NEGR1: variants seen among roughly 807,000 people sequenced by gnomAD.
The protein encoded by NEGR1 is neuronal growth regulator 1.
Under a neutral mutation model 40.9 loss-of-function variants are expected in NEGR1, and 10 were observed. The observed-to-expected ratio is 0.24, with a 90% confidence interval of 0.15 to 0.42. The LOEUF is 0.42. Among genes scored for constraint, NEGR1 ranks in the 10% least tolerant of loss-of-function variants. The probability of loss-of-function intolerance (pLI) is 1.00; values close to 1 mark genes in which losing one functional copy is unlikely to be tolerated. For synonymous variants in NEGR1, 185 were observed against 166.8 expected, an observed-to-expected ratio of 1.11 and a Z score of -0.84; for missense variants, 352 against 438.9, an observed-to-expected ratio of 0.80 and a Z score of 1.77.
At chr1:72,121,062 T>C (rs1051282822) in intron 1 of NEGR1, among the ~76,000 whole-genome samples, 4 of 152,120 alleles carry the variant, frequency 2.6e-5, no homozygotes, top group Non-Finnish European at 5.9e-5. Flanking sequence ...TTATTTTTCT[T>C]TCACAGTGTA....
intron 4 of NEGR1, among the ~76,000 whole-genome samples, chr1:71,653,967 G>A (rs551737253): frequency 8.0e-4 from 121 of 152,106 alleles, no homozygotes; most frequent in African/African-American, 2.8e-3. Context: ...TCTTTGTTAT[G>A]AGGAAACAAT....
At position 72,007,850 on chromosome 1, in the gene NEGR1, C is replaced by T. The variant is rs184305174; in HGVS notation, c.177-72539G>A. ...ATTAATACAATACTTTGCCTAAGGCCTACATCTTTTTATTTTCTTTGCTCC... is the reference window on the plus strand; with the variant it reads ...ATTAATACAATACTTTGCCTAAGGCTTACATCTTTTTATTTTCTTTGCTCC... On this transcript the variant is annotated intron_variant, in intron 1 of 6. Transcript: ENST00000357731. Among the ~76,000 whole-genome samples the T allele has an allele frequency of 3.0e-3, 454 of 152,064 alleles. 1 individual carries two copies. Among genetic ancestry groups the T allele is most frequent in the African/African-American group, 0.01 (433 of 41,498 alleles).
intron 4 of NEGR1, among the ~76,000 whole-genome samples, chr1:71,666,812 T>C (rs981614475): frequency 6.6e-6 from 1 of 152,136 alleles, no homozygotes; most frequent in Admixed American, 6.6e-5. Flanking sequence ...TTTTGAATGA[T>C]TTTTTTAAGT....
chr1:71,996,535 A>C (rs1646505931), intron 1 of NEGR1, among the ~76,000 whole-genome samples: 1 of 152,102 alleles, frequency 6.6e-6, no homozygotes, highest in Non-Finnish European at 1.5e-5. Context: ...ATACTCTCAC[A>C]ATCTTTCTTT....
At chr1:71,699,541 T>G (rs777008032) in intron 3 of NEGR1, among the ~76,000 whole-genome samples, 1 of 151,878 alleles carries the variant, frequency 6.6e-6, no homozygotes, top group African/African-American at 2.4e-5. Context: ...TAAAACCTAC[T>G]GAAATATATA....
chr1:72,113,626 A>ACACATATTTCT (rs1649470126), intron 1 of NEGR1, among the ~76,000 whole-genome samples: 1 of 151,698 alleles, frequency 6.6e-6, no homozygotes, highest in Non-Finnish European at 1.5e-5. Context: ...GAGCACAAGG[A>ACACATATTTCT]AAGTGTGGTG....
At chr1:71,526,505 G>A (rs1477583047) in intron 6 of NEGR1, among the ~76,000 whole-genome samples, 1 of 151,218 alleles carries the variant, frequency 6.6e-6, no homozygotes, top group African/African-American at 2.4e-5. Flanking sequence ...GACATTTATG[G>A]TATTTTCCCC....
Position 71,665,301 on chromosome 1 carries a change from T to C in NEGR1, c.667+32707A>G, listed in dbSNP as rs151258051. Reference sequence around the variant, plus strand: ...CTCAGTTAAATTCTGAAGTTCAATGTACTTCCTATTGACTTTAAATTACAG... The same window carrying C: ...CTCAGTTAAATTCTGAAGTTCAATGCACTTCCTATTGACTTTAAATTACAG... On this transcript the variant is annotated intron_variant, in intron 4 of 6. Transcript: ENST00000357731. Among the ~76,000 whole-genome samples, 689 of 152,326 alleles carry C rather than the reference T, an allele frequency of 4.5e-3. 5 individuals carry two copies. The highest frequency in any genetic ancestry group is 0.016 in the African/African-American group (665 of 41,566).
intron 4 of NEGR1, among the ~76,000 whole-genome samples, chr1:71,656,444 G>T (rs576403836): frequency 1.7e-3 from 252 of 152,024 alleles, no homozygotes; most frequent in Non-Finnish European, 1.5e-3. Flanking sequence ...ACGGAGTCTG[G>T]CTCTGTCGCC....
At chr1:72,115,079 TCA>T (rs1393630437) in intron 1 of NEGR1, among the ~76,000 whole-genome samples, 2 of 151,760 alleles carry the variant, frequency 1.3e-5, no homozygotes, top group East Asian at 3.9e-4. Context: ...AAACTTTGGT[TCA>T]GAGTTTTGCT....
At chr1:71,657,267 A>G (rs1264728492) in intron 4 of NEGR1, among the ~76,000 whole-genome samples, 4 of 152,214 alleles carry the variant, frequency 2.6e-5, no homozygotes, top group Non-Finnish European at 4.4e-5. Flanking sequence ...TTCTGTCTCG[A>G]CCTTTAAAGA....
intron 1 of NEGR1, among the ~76,000 whole-genome samples, chr1:72,243,084 C>T (rs558802184): frequency 6.6e-6 from 1 of 151,554 alleles, no homozygotes; most frequent in Admixed American, 6.6e-5. Context: ...ATTTTAATAA[C>T]ATGTTCTAAA....
intron 1 of NEGR1, among the ~76,000 whole-genome samples, chr1:72,119,202 C>T (rs765108663): frequency 2.0e-5 from 3 of 151,790 alleles, no homozygotes; most frequent in Non-Finnish European, 2.9e-5. Flanking sequence ...AATGTTTAAT[C>T]CTCTGGAAGA....
intron 4 of NEGR1, among the ~76,000 whole-genome samples, chr1:71,636,647 A>T (rs2101569550): frequency 6.6e-6 from 1 of 152,230 alleles, no homozygotes; most frequent in East Asian, 1.9e-4. Flanking sequence ...TGCTGCAGAC[A>T]TTCAGGGTAT....
At chr1:71,858,232 T>C (rs924694298) in intron 2 of NEGR1, among the ~76,000 whole-genome samples, 1 of 152,122 alleles carries the variant, frequency 6.6e-6, no homozygotes, top group Admixed American at 6.6e-5. Flanking sequence ...AAGCTCACAG[T>C]GAAATATGCT....
intron 1 of NEGR1, among the ~76,000 whole-genome samples, chr1:72,224,744 A>G (rs1654120917): frequency 6.6e-6 from 1 of 151,984 alleles, no homozygotes; most frequent in African/African-American, 2.4e-5. Context: ...CCAATTTTGG[A>G]GTAAAACTGA....
At chr1:71,814,051 T>G (rs1040127072) in intron 2 of NEGR1, among the ~76,000 whole-genome samples, 3 of 152,166 alleles carry the variant, frequency 2.0e-5, no homozygotes, top group Non-Finnish European at 2.9e-5. Flanking sequence ...TTCAGTATGA[T>G]ATTGGCTGTG....
intron 1 of NEGR1, among the ~76,000 whole-genome samples, chr1:72,001,047 G>A (rs559047717): frequency 1.3e-5 from 2 of 152,178 alleles, no homozygotes; most frequent in Non-Finnish European, 2.9e-5. Context: ...GTGTAGTAAA[G>A]GGAACAAAGC....
chr1:71,684,010 C>G (rs1393038768), intron 4 of NEGR1, among the ~76,000 whole-genome samples: 1 of 152,118 alleles, frequency 6.6e-6, no homozygotes, highest in African/African-American at 2.4e-5. Context: ...GTGGCTCACG[C>G]CTGTAATCCC....
Sources: gnomAD v4.1 joint callset for allele counts (sites outside exome capture counted in the v4.1 genomes callset) on GRCh38, gnomAD v4.1.1 for gene constraint, MANE v1.5 for transcripts, NCBI Gene and HGNC (gene_info 2026-07-23, HGNC 2026-07-21) for gene names.